Variants in POLR3A observed in about 807,000 individuals in gnomAD.
POLR3A encodes the protein DNA-directed RNA polymerase III subunit RPC1.
A neutral mutation model predicts 152.8 loss-of-function variants in POLR3A; 112 were observed. That is an observed-to-expected ratio of 0.73 (90% CI 0.63 to 0.86). The LOEUF (loss-of-function observed/expected upper bound fraction) is 0.86. Ranked by LOEUF, POLR3A falls within the 40% of genes least tolerant of loss-of-function variation. POLR3A has a pLI of 0.00. For missense variants in POLR3A, 1,385 were observed against 1,743.1 expected (o/e 0.79, Z 3.66); for synonymous variants, 615 against 652.1 (o/e 0.94, Z 0.87).
chr10:77,995,422 C>T (rs1439354286), intron 19 of POLR3A, among the ~76,000 whole-genome samples: 3 of 152,066 alleles, frequency 2.0e-5, no homozygotes, highest in African/African-American at 2.4e-5. Context: ...ATGCATCTCA[C>T]GTGCAGAGAC....
intron 19 of POLR3A, among the ~76,000 whole-genome samples, chr10:77,998,990 C>T (rs550393412): frequency 1.3e-3 from 197 of 152,268 alleles, no homozygotes; most frequent in Middle Eastern, 3.4e-3. Flanking sequence ...GATGAGTTCA[C>T]GTCCTTTGTA....
At chr10:77,981,656 C>T in intron 28 of POLR3A, 97 bp from the exon 29 acceptor site, 2 of 1,440,544 alleles carry the variant, frequency 1.4e-6, no homozygotes, top group East Asian at 4.6e-5. Context: ...CAAAGCAAAC[C>T]CTGTGCCGTT....
intron 9 of POLR3A, 141 bp downstream of exon 9, chr10:78,019,021 C>A (rs149915502): frequency 4.2e-6 from 3 of 711,986 alleles, no homozygotes; most frequent in East Asian, 2.7e-5. Context: ...CCTTGGCTCA[C>A]GGAAATTTAA....
Position 78,019,242 on chromosome 10 carries a change from G to A in POLR3A, c.1209C>T (p.Phe403=). 1 of 1,613,818 alleles carries A rather than the reference G, an allele frequency of 6.2e-7. No homozygotes were observed. The highest frequency in any genetic ancestry group is 8.5e-7 in the Non-Finnish European group (1 of 1,179,838). The part of the protein sequence containing the change: ...PEKVNKANIN[F]LRKLVQNGPE... ...GGCCGTTTTGAACCAGTTTCCTCAAGAAATTGATGTTTGCTTTGTTTACCT... is the reference window on the plus strand; with the variant it reads ...GGCCGTTTTGAACCAGTTTCCTCAAAAAATTGATGTTTGCTTTGTTTACCT... Residue 403 remains phenylalanine (F), a synonymous_variant, in exon 9 of 31, where the codon TTC becomes TTT. Transcript: ENST00000372371.
intron 1 of POLR3A, among the ~76,000 whole-genome samples, chr10:78,027,216 G>A (rs1272502988): frequency 6.6e-6 from 1 of 152,184 alleles, no homozygotes; most frequent in Non-Finnish European, 1.5e-5. Flanking sequence ...CCAGGGTCCT[G>A]GGACTGGCAC....
At chr10:77,998,960 A>G (rs918965532) in intron 19 of POLR3A, among the ~76,000 whole-genome samples, 5 of 152,250 alleles carry the variant, frequency 3.3e-5, no homozygotes, top group Admixed American at 6.5e-5. Context: ...ACCATGGAAT[A>G]CTATGCAGCC....
chr10:77,980,383 C>G, intron 29 of POLR3A, 110 bp from the exon 30 acceptor site: 5 of 1,057,674 alleles, frequency 4.7e-6, no homozygotes, highest in Non-Finnish European at 7.2e-6. Context: ...CAAGACCCAA[C>G]GTCAGGTGTG....
intron 13 of POLR3A, 54 bp from the exon 14 acceptor site, chr10:78,009,729 C>T (rs985350606): frequency 1.2e-6 from 2 of 1,613,786 alleles, no homozygotes; most frequent in African/African-American, 1.3e-5. Flanking sequence ...TCTCAATCCC[C>T]CTTCAGTAGA....
intron 19 of POLR3A, among the ~76,000 whole-genome samples, chr10:77,995,345 A>C (rs1847289419): frequency 6.6e-6 from 1 of 152,252 alleles, no homozygotes; most frequent in Non-Finnish European, 1.5e-5. Flanking sequence ...TAAATGCTCC[A>C]ATTAAAAGAC....
Position 78,025,717 on chromosome 10 carries a change from T to C in POLR3A, c.223A>G (p.Asn75Asp). ...KDRPCETCGK[N>D]LADCLGHYGY... is the part of the protein sequence containing the mutation. Reference sequence around the variant, plus strand: ...TAGTGGCCTAGACAGTCAGCCAAGTTTTTCCCACAGGTTTCACATGGACGA... The same window carrying C: ...TAGTGGCCTAGACAGTCAGCCAAGTCTTTCCCACAGGTTTCACATGGACGA... Residue 75 changes from asparagine to aspartate, a missense_variant, in exon 3 of 31, where the codon AAC (asparagine) becomes GAC (aspartate). Asn to Asp is a conservative substitution (Grantham distance 23). Around this residue, in one of 7 missense-constraint regions of POLR3A, gnomAD observed 493 missense variants for 647.5 expected, o/e 0.76. Transcript: ENST00000372371. 1 of 1,614,080 alleles carries C rather than the reference T, an allele frequency of 6.2e-7. No homozygotes were observed. The highest frequency in any genetic ancestry group is 8.5e-7 in the Non-Finnish European group (1 of 1,179,976).
chr10:78,013,067 C>T (rs923330840), intron 11 of POLR3A: 8 of 168,526 alleles, frequency 4.7e-5, no homozygotes, highest in Admixed American at 2.2e-4. Context: ...AGAGCAGGCA[C>T]GTGCCTCACT....
At chr10:77,980,951 T>A (rs1253689007) in intron 29 of POLR3A, among the ~76,000 whole-genome samples, 1 of 152,042 alleles carries the variant, frequency 6.6e-6, no homozygotes, top group African/African-American at 2.4e-5. Context: ...GGAAATACGT[T>A]TTTTTTGGAA....
intron 10 of POLR3A, among the ~76,000 whole-genome samples, chr10:78,016,394 C>T (rs1240214769): frequency 6.8e-6 from 1 of 146,806 alleles, no homozygotes; most frequent in African/African-American, 2.5e-5. Context: ...TACACCAAGA[C>T]CTCAGCTCCA....
rs1455156414 is a variant in POLR3A at position 78,009,604 on chromosome 10, C to T, written c.1842G>A (p.Arg614=). The part of the protein sequence containing the change: ...ILRPSDDNPV[R]ANLRTKGKQY... ...GCTTGCCCTTGGTTCGCAGGTTGGC[C>T]CTCACTGGATTGTCATCGCTAGGCC... is the stretch of plus-strand genomic sequence containing the variant. The change falls in exon 14 of 31, where the codon AGG becomes AGA. Residue 614 remains arginine, a synonymous_variant. Transcript: ENST00000372371. 1 of 1,614,174 alleles carries T rather than the reference C, an allele frequency of 6.2e-7. No individual in the cohort carries two copies. The highest frequency in any genetic ancestry group is 8.5e-7 in the Non-Finnish European group (1 of 1,180,036).
intron 15 of POLR3A, among the ~76,000 whole-genome samples, 155 bp downstream of exon 15, chr10:78,007,547 A>G (rs1847422632): frequency 6.6e-6 from 1 of 152,230 alleles, no homozygotes; most frequent in Non-Finnish European, 1.5e-5. Context: ...AATTTAATTA[A>G]TAACAGCACA....
intron 21 of POLR3A, among the ~76,000 whole-genome samples, chr10:77,986,943 T>A (rs1847204128): frequency 6.6e-6 from 1 of 152,160 alleles, no homozygotes; most frequent in African/African-American, 2.4e-5. Flanking sequence ...CAGCCCTGAC[T>A]CAGGTTTTCT....
At chr10:77,993,403 A>G (rs748331232) in intron 19 of POLR3A, 36 bp from the exon 20 acceptor site, 1 of 1,538,830 alleles carries the variant, frequency 6.5e-7, no homozygotes, top group African/African-American at 1.4e-5. Flanking sequence ...AGCTGCTTTG[A>G]GAAGACTAGT....
Position 78,010,519 on chromosome 10 carries a change from G to T in POLR3A, c.1594C>A (p.Pro532Thr). ...GCAATCAGCGGTTCCCCATTCCTCG[G>T]GGTTACAAGATTTGCTTTAGTCTGT... is the stretch of plus-strand genomic sequence containing the variant. ...LMGTKANLVTPRNGEPLIAAI... is the reference protein window; with the variant it reads ...LMGTKANLVTTRNGEPLIAAI... The change falls in exon 12 of 31, where the codon CCG (proline) becomes ACG (threonine). Residue 532 changes from proline to threonine, a missense_variant. This residue lies in a region of POLR3A where 188 missense variants were observed against 179.9 expected (regional missense o/e 1.04). Transcript: ENST00000372371. 1 of 1,614,032 alleles carries T rather than the reference G, an allele frequency of 6.2e-7. No individual in the cohort carries two copies. Among genetic ancestry groups the T allele is most frequent in the Non-Finnish European group, 8.5e-7 (1 of 1,179,932 alleles).
At chr10:78,028,330 A>G (rs1220927858) in intron 1 of POLR3A, among the ~76,000 whole-genome samples, 1 of 152,048 alleles carries the variant, frequency 6.6e-6, no homozygotes, top group African/African-American at 2.4e-5. Context: ...GCCTGGACCC[A>G]TTATGTGCTC....
Sources: allele counts gnomAD v4.1 joint callset (sites outside exome capture counted in the v4.1 genomes callset), GRCh38; gene constraint gnomAD v4.1.1; regional missense constraint gnomAD v4.1.1; transcripts MANE v1.5; gene names NCBI Gene and HGNC (gene_info 2026-07-23, HGNC 2026-07-21).